The following DCLK1 variants were observed in gnomAD, a reference collection of about 807,000 sequenced individuals.
DCLK1 encodes the protein serine/threonine-protein kinase DCLK1.
Under a neutral mutation model 86.2 loss-of-function variants are expected in DCLK1, and 16 were observed. The ratio of observed to expected loss-of-function variants is 0.19; its 90% CI spans 0.13 to 0.28. The LOEUF (loss-of-function observed/expected upper bound fraction) is 0.28. DCLK1 is among the 10% of genes least tolerant of loss of function. DCLK1 has a pLI of 1.00. For missense variants in DCLK1, 590 were observed against 940.2 expected, an observed-to-expected ratio of 0.63 and a Z score of 4.87; for synonymous variants, 369 against 370.5, an observed-to-expected ratio of 1.00 and a Z score of 0.05.
chr13:35,945,941 T>C (rs1177014520), intron 4 of DCLK1, among the ~76,000 whole-genome samples: 1 of 152,234 alleles, frequency 6.6e-6, no homozygotes, highest in African/African-American at 2.4e-5. Flanking sequence ...CATCTATTTA[T>C]ATTCTTATTG....
At position 36,123,487 on chromosome 13, in the gene DCLK1, C is replaced by T. The variant is rs182106477; in HGVS notation, c.376+2275G>A. On this transcript the variant is annotated intron_variant, in intron 2 of 16. Transcript: ENST00000360631. ...ATTTTTAAACATCAGAATATTCAGT[C>T]GGCAGTTACTTCACATTGATTGAGG... Among the ~76,000 whole-genome samples, 6 of 152,214 alleles carry T rather than the reference C, an allele frequency of 3.9e-5. No homozygotes were observed. The East Asian group carries it at 9.7e-4, about 24-fold the overall frequency.
chr13:35,832,690 A>G (rs1869052932), intron 8 of DCLK1, among the ~76,000 whole-genome samples: 1 of 152,196 alleles, frequency 6.6e-6, no homozygotes, highest in Admixed American at 6.5e-5. Context: ...AAGTAATCCT[A>G]ACAAAGCCCA....
chr13:35,874,708 C>T (rs1321995726), intron 4 of DCLK1, among the ~76,000 whole-genome samples: 1 of 152,158 alleles, frequency 6.6e-6, no homozygotes, highest in Admixed American at 6.5e-5. Context: ...TCAGAAAATA[C>T]AATAGGAAAA....
intron 3 of DCLK1, among the ~76,000 whole-genome samples, chr13:36,013,492 A>T (rs939854763): frequency 1.3e-5 from 2 of 152,046 alleles, no homozygotes; most frequent in African/African-American, 4.8e-5. Context: ...CTGCTGTGTG[A>T]GGTGTCAGTG....
chr13:35,926,288 C>T (rs1485082792), intron 4 of DCLK1, among the ~76,000 whole-genome samples: 1 of 152,150 alleles, frequency 6.6e-6, no homozygotes, highest in Non-Finnish European at 1.5e-5. Context: ...AAACTCCTGA[C>T]CTCAAGTGAT....
chr13:35,785,703 G>A (rs565702259), intron 16 of DCLK1, among the ~76,000 whole-genome samples: 3 of 152,266 alleles, frequency 2.0e-5, no homozygotes, highest in East Asian at 1.9e-4. Context: ...ACTCCCAAGT[G>A]TTCGGCTTAC....
chr13:35,927,742 C>G (rs979483979), intron 4 of DCLK1, among the ~76,000 whole-genome samples: 1 of 152,186 alleles, frequency 6.6e-6, no homozygotes, highest in African/African-American at 2.4e-5. Context: ...CCAATCACAC[C>G]AGAAAGGTCA....
chr13:36,033,301 T>C (rs1370496459), intron 3 of DCLK1, among the ~76,000 whole-genome samples: 5 of 152,212 alleles, frequency 3.3e-5, no homozygotes, highest in African/African-American at 9.6e-5. Context: ...GGAGGATCAC[T>C]GGACAGGAAG....
intron 3 of DCLK1, among the ~76,000 whole-genome samples, chr13:36,100,346 T>A (rs1885174065): frequency 6.6e-6 from 1 of 152,082 alleles, no homozygotes; most frequent in Admixed American, 6.6e-5. Context: ...ACCACTGTAC[T>A]CTAGCCTGGG....
At chr13:36,125,336 A>G (rs1886131592) in intron 2 of DCLK1, among the ~76,000 whole-genome samples, 1 of 152,192 alleles carries the variant, frequency 6.6e-6, no homozygotes, top group South Asian at 2.1e-4. Flanking sequence ...TGGGTTTGAT[A>G]GCTATCTAAG....
intron 8 of DCLK1, among the ~76,000 whole-genome samples, chr13:35,835,428 G>A (rs1241715178): frequency 5.3e-5 from 8 of 152,210 alleles, no homozygotes; most frequent in East Asian, 1.9e-4. Flanking sequence ...TGAGGCCCCC[G>A]TAGCTGGGTT....
chr13:36,029,356 C>T (rs925703726), intron 3 of DCLK1, among the ~76,000 whole-genome samples: 1 of 152,210 alleles, frequency 6.6e-6, no homozygotes, highest in African/African-American at 2.4e-5. Flanking sequence ...CATTGGAAGT[C>T]TGTTTTTCTA....
chr13:35,945,668 C>T (rs985946622), intron 4 of DCLK1, among the ~76,000 whole-genome samples: 14 of 152,088 alleles, frequency 9.2e-5, no homozygotes, highest in African/African-American at 2.9e-4. Flanking sequence ...TTCTCAAAAC[C>T]GTGCTGTCAA....
chr13:36,034,303 T>C (rs1402616984), intron 3 of DCLK1, among the ~76,000 whole-genome samples: 1 of 152,228 alleles, frequency 6.6e-6, no homozygotes, highest in Admixed American at 6.5e-5. Flanking sequence ...TAAATTAGAA[T>C]TTTAAAGTTA....
At chr13:36,044,416 A>G (rs1033456908) in intron 3 of DCLK1, among the ~76,000 whole-genome samples, 1 of 152,226 alleles carries the variant, frequency 6.6e-6, no homozygotes, top group Non-Finnish European at 1.5e-5. Context: ...ATGACTGTAC[A>G]GAAAGCAAAG....
rs1882849768 is a variant in DCLK1, at chr13:36,045,328, GTGTGTATATATATATATATATATA to G, written c.723+66517_723+66540del. Among the ~76,000 whole-genome samples, 11 of 45,234 alleles carry G rather than the reference GTGTGTATATATATATATATATATA, an allele frequency of 2.4e-4. No homozygotes were observed. The South Asian group carries it at 7.3e-3, about 30-fold the overall frequency. 29.7% of individuals were successfully genotyped at this position (45,234 alleles called of 152,430 possible). A position where few individuals can be genotyped will look rare whatever the true frequency, so the allele number is the denominator to read the frequency against. On this transcript the variant is annotated intron_variant, in intron 3 of 16. Coordinates refer to ENST00000360631, the MANE Select transcript of DCLK1 (RefSeq NM_001330071.2). ...TATATATGTCTATATATGTGTGTGT[GTGTGTATATATATATATATATATA>G]TATATATATATATATATATATATAT...
chr13:35,801,396 A>T (rs1447846889), intron 15 of DCLK1, among the ~76,000 whole-genome samples: 3 of 152,238 alleles, frequency 2.0e-5, no homozygotes, highest in Non-Finnish European at 2.9e-5. Context: ...TTACTTCATA[A>T]AGATAATTTC....
intron 3 of DCLK1, among the ~76,000 whole-genome samples, chr13:36,105,478 C>G (rs923615596): frequency 6.6e-6 from 1 of 152,082 alleles, no homozygotes; most frequent in Admixed American, 6.6e-5. Flanking sequence ...TCACAATATA[C>G]AGATGATGAA....
intron 3 of DCLK1, among the ~76,000 whole-genome samples, chr13:35,958,606 G>A (rs1053976719): frequency 3.9e-5 from 6 of 152,096 alleles, no homozygotes; most frequent in Admixed American, 3.3e-4. Flanking sequence ...CTCCATAAGG[G>A]GAGCCCTTAC....
Sources: allele counts gnomAD v4.1 joint callset (sites outside exome capture counted in the v4.1 genomes callset), GRCh38; gene constraint gnomAD v4.1.1; transcripts MANE v1.5; gene names NCBI Gene and HGNC (gene_info 2026-07-23, HGNC 2026-07-21).